The following GAD2 variants were observed in gnomAD, a reference collection of about 807,000 sequenced individuals.
GAD2 encodes the protein 65 kDa glutamic acid decarboxylase.
A neutral mutation model predicts 80.1 loss-of-function variants in GAD2; 22 were observed. The observed-to-expected ratio is 0.27, with a 90% confidence interval of 0.20 to 0.39. The LOEUF (loss-of-function observed/expected upper bound fraction) is 0.39. GAD2 is among the 10% of genes least tolerant of loss of function. GAD2 has a pLI of 1.00. For synonymous variants in GAD2, 274 were observed against 256.9 expected (o/e 1.07, Z -0.64); for missense variants, 624 against 738.4 (o/e 0.85, Z 1.80).
At position 26,229,743 on chromosome 10, in the gene GAD2, C is replaced by A; in HGVS notation, c.806C>A (p.Ala269Asp). 6.2e-7 allele frequency: 1 copy of A among 1,614,012 alleles called. No homozygotes were observed. The highest frequency in any genetic ancestry group is 8.5e-7 in the Non-Finnish European group (1 of 1,179,880). The change falls in exon 7 of 16, where the codon GCT becomes GAT. Residue 269 changes from alanine (A) to aspartate (D), a missense_variant. Transcript: ENST00000376261. ...GAAGTCAAGGAGAAAGGAATGGCTG[C>A]TCTTCCCAGGCTCATTGCCTTCACG... ...FPEVKEKGMA[A>D]LPRLIAFTSE...
At chr10:26,285,856 C>T (rs946224022) in intron 12 of GAD2, among the ~76,000 whole-genome samples, 1 of 151,882 alleles carries the variant, frequency 6.6e-6, no homozygotes, top group South Asian at 2.1e-4. Context: ...CTCAAACTCC[C>T]TAACAGCTAA....
chr10:26,220,171 C>T (rs1267475934), intron 4 of GAD2, among the ~76,000 whole-genome samples: 1 of 152,140 alleles, frequency 6.6e-6, no homozygotes, highest in Non-Finnish European at 1.5e-5. Flanking sequence ...CGATGGCTGA[C>T]ACTTCATTAC....
intron 9 of GAD2, 81 bp downstream of exon 9, chr10:26,269,254 T>G (rs1845106255): frequency 8.4e-7 from 1 of 1,197,472 alleles, no homozygotes; most frequent in Non-Finnish European, 1.2e-6. Context: ...TGGTTTTATT[T>G]TAAAAAGAGG....
chr10:26,292,416 C>A, intron 13 of GAD2, 49 bp from the exon 14 acceptor site: 1 of 1,398,758 alleles, frequency 7.1e-7, no homozygotes, highest in Non-Finnish European at 1.0e-6. Flanking sequence ...GAAATCGCTT[C>A]CTCCGCACTC....
chr10:26,273,851 T>C, intron 11 of GAD2, 151 bp downstream of exon 11: 1 of 620,272 alleles, frequency 1.6e-6, no homozygotes, highest in Non-Finnish European at 2.8e-6. Context: ...ATTACACTCA[T>C]GAATGTGGGT....
In GAD2 at chr10:26,303,971, CT is replaced by C. The variant is rs1359464082; in HGVS notation, c.*3011del. On this transcript the variant is annotated 3_prime_UTR_variant, in exon 16 of 16. Coordinates refer to ENST00000376261, the MANE Select transcript of GAD2 (RefSeq NM_001134366.2). ...GATATTATGAAAACTACATTTGCAT[CT>C]GTTCCTGTTCTCTCTCTCTCTCTCT... is the stretch of plus-strand genomic sequence containing the variant. 4 of 144,170 alleles carry C rather than the reference CT, an allele frequency of 2.8e-5. No individual in the cohort carries two copies. The highest frequency in any genetic ancestry group is 7.9e-5 in the African/African-American group (3 of 37,750). 8.9% of individuals were successfully genotyped at this position (144,170 alleles called of 1,614,324 possible).
rs1844545028 is a variant in GAD2 at position 26,227,602 on chromosome 10, T to TA, written c.725-2060_725-2059insA. 2.0e-5 allele frequency among the ~76,000 whole-genome samples: 3 copies of TA among 152,224 alleles called. No individual in the cohort carries two copies. The South Asian group carries it at 6.2e-4, about 31-fold the overall frequency. On this transcript the variant is annotated intron_variant, in intron 6 of 15. Transcript: ENST00000376261. Reference sequence around the variant, plus strand: ...TCATTTTGCTCCCCACAAGGGACATTTGGCAATATCTATAGATGCTTTTGA... The same window carrying TA: ...TCATTTTGCTCCCCACAAGGGACATTATGGCAATATCTATAGATGCTTTTGA...
intron 7 of GAD2, among the ~76,000 whole-genome samples, chr10:26,234,338 C>CAAA (rs35871778): frequency 2.2e-4 from 28 of 126,356 alleles, no homozygotes; most frequent in African/African-American, 8.5e-4. Flanking sequence ...AAAAAAAAGA[C>CAAA]AAAAAAAAAA....
chr10:26,276,207 A>T (rs1306100362), intron 11 of GAD2, among the ~76,000 whole-genome samples: 1 of 151,934 alleles, frequency 6.6e-6, no homozygotes, highest in South Asian at 2.1e-4. Context: ...AATGGCACAA[A>T]CACCTGGAGC....
At chr10:26,235,569 C>T (rs539479699) in intron 7 of GAD2, among the ~76,000 whole-genome samples, 1 of 152,262 alleles carries the variant, frequency 6.6e-6, no homozygotes, top group South Asian at 2.1e-4. Context: ...CTGTGGCAAG[C>T]GTTTAAGAGT....
chr10:26,250,017 T>G lies in GAD2; in HGVS notation c.920+4017T>G, dbSNP rs114062941. Among the ~76,000 whole-genome samples, 670 of 152,156 alleles carry G rather than the reference T, an allele frequency of 4.4e-3. 5 individuals are homozygous for G. Among genetic ancestry groups the G allele is most frequent in the African/African-American group, 0.015 (642 of 41,508 alleles). On this transcript the variant is annotated intron_variant, in intron 8 of 15. Transcript: ENST00000376261. ...CCTCAAATGTGAAAGTCAAAGATAT[T>G]TATTTCAACAATTTTTTTTTTTTTA...
intron 11 of GAD2, among the ~76,000 whole-genome samples, chr10:26,275,417 A>G (rs1210084849): frequency 6.6e-6 from 1 of 152,228 alleles, no homozygotes; most frequent in African/African-American, 2.4e-5. Flanking sequence ...AAAGACTATT[A>G]TTTGAGAGCA....
At chr10:26,259,517 T>A (rs1935996) in intron 8 of GAD2, among the ~76,000 whole-genome samples, 31,631 of 152,044 alleles carry the variant, frequency 0.21, 3,497 homozygotes, top group East Asian at 0.31. Flanking sequence ...ATTTGTATAC[T>A]GTTTTTGGAG....
intron 7 of GAD2, 37 bp downstream of exon 7, chr10:26,229,814 T>C (rs1159508767): frequency 6.7e-7 from 1 of 1,485,914 alleles, no homozygotes; most frequent in Non-Finnish European, 9.4e-7. Flanking sequence ...TAAGGTTATG[T>C]TCCATAAAGC....
In GAD2 at chr10:26,281,024, G is replaced by A. The variant is rs200668639; in HGVS notation, c.1173G>A (p.Thr391=). 2.1e-5 allele frequency: 34 copies of A among 1,613,560 alleles called. No individual in the cohort carries two copies. The highest frequency in any genetic ancestry group is 5.3e-5 in the African/African-American group (4 of 75,006). The change falls in exon 12 of 16, where the codon ACG becomes ACA. Residue 391 remains threonine (T), a synonymous_variant. Transcript: ENST00000376261. ...TTTATTTTAGGGCCAACTCTGTGAC[G>A]TGGAATCCACACAAGATGATGGGAG... ...LSGVERANSV[T]WNPHKMMGVP...
At chr10:26,284,551 T>C (rs1271040361) in intron 12 of GAD2, among the ~76,000 whole-genome samples, 3 of 146,808 alleles carry the variant, frequency 2.0e-5, no homozygotes, top group Non-Finnish European at 4.5e-5. Flanking sequence ...GTAATGAGAC[T>C]GCGGCTGTTC....
chr10:26,258,293 G>A (rs971603986), intron 8 of GAD2, among the ~76,000 whole-genome samples: 3 of 152,204 alleles, frequency 2.0e-5, no homozygotes, highest in South Asian at 2.1e-4. Flanking sequence ...CACATGGCTT[G>A]TAAGTGAAGA....
At chr10:26,283,715 G>A (rs904106759) in intron 12 of GAD2, among the ~76,000 whole-genome samples, 2 of 152,202 alleles carry the variant, frequency 1.3e-5, no homozygotes, top group African/African-American at 4.8e-5. Context: ...GAAGAGGGAT[G>A]ATTGAAATAG....
At chr10:26,275,366 C>A (rs1397284628) in intron 11 of GAD2, among the ~76,000 whole-genome samples, 1 of 152,116 alleles carries the variant, frequency 6.6e-6, no homozygotes, top group Non-Finnish European at 1.5e-5. Flanking sequence ...AATTACCTAC[C>A]CTGAGCCTTA....
Sources: gnomAD v4.1 joint callset for allele counts (sites outside exome capture counted in the v4.1 genomes callset) on GRCh38, gnomAD v4.1.1 for gene constraint, MANE v1.5 for transcripts, NCBI Gene and HGNC (gene_info 2026-07-23, HGNC 2026-07-21) for gene names.